Variants in GLDN observed in about 807,000 individuals in gnomAD.
GLDN encodes the protein gliomedin.
A neutral mutation model predicts 56.5 loss-of-function variants in GLDN; 47 were observed. That is an observed-to-expected ratio of 0.83 (90% confidence interval 0.66 to 1.06). The LOEUF (loss-of-function observed/expected upper bound fraction) is 1.06. GLDN is among the 50% of genes least tolerant of loss of function. GLDN has a pLI of 0.00. For missense variants in GLDN, 782 were observed against 714.3 expected (o/e 1.09, Z -1.08); for synonymous variants, 332 against 278.8 (o/e 1.19, Z -1.90).
chr15:51,400,579 TTG>T (rs2141132064), intron 8 of GLDN, 81 bp downstream of exon 8: 2 of 1,441,374 alleles, frequency 1.4e-6, no homozygotes, highest in East Asian at 2.3e-5. Flanking sequence ...CGTATTCCAT[TTG>T]TGTGTGTCTG....
intron 9 of GLDN, among the ~76,000 whole-genome samples, chr15:51,403,177 G>A (rs1189657079): frequency 6.6e-6 from 1 of 152,202 alleles, no homozygotes; most frequent in Non-Finnish European, 1.5e-5. Context: ...ACTGGGACCT[G>A]ACGGAGAAGC....
At chr15:51,362,026 G>C (rs1015002912) in intron 1 of GLDN, among the ~76,000 whole-genome samples, 5 of 152,182 alleles carry the variant, frequency 3.3e-5, no homozygotes, top group African/African-American at 1.2e-4. Context: ...CCTGACTGAG[G>C]AGGCAACATT....
intron 3 of GLDN, 25 bp from the exon 4 acceptor site, chr15:51,383,760 T>A (rs1566945748): frequency 6.7e-7 from 1 of 1,492,448 alleles, no homozygotes; most frequent in Admixed American, 2.2e-5. Flanking sequence ...TTGGTTAATG[T>A]CCCTGTTTCT....
chr15:51,365,701 A>G (rs2037387067), intron 1 of GLDN, among the ~76,000 whole-genome samples: 1 of 152,118 alleles, frequency 6.6e-6, no homozygotes, highest in African/African-American at 2.4e-5. Context: ...TGTTGTCTAC[A>G]TTTTGTTTAT....
intron 5 of GLDN, among the ~76,000 whole-genome samples, chr15:51,396,143 A>T (rs1478359474): frequency 6.6e-6 from 1 of 151,994 alleles, no homozygotes; most frequent in Non-Finnish European, 1.5e-5. Context: ...AACCACCTCC[A>T]CCTGGCAACC....
chr15:51,366,961 G>T (rs1021650647), intron 1 of GLDN, among the ~76,000 whole-genome samples: 1 of 152,116 alleles, frequency 6.6e-6, no homozygotes, highest in Non-Finnish European at 1.5e-5. Context: ...AATGTGTTTC[G>T]ATAACAGTAC....
intron 1 of GLDN, among the ~76,000 whole-genome samples, chr15:51,352,158 G>A (rs2141051839): frequency 6.6e-6 from 1 of 152,112 alleles, no homozygotes; most frequent in Non-Finnish European, 1.5e-5. Flanking sequence ...TGGGTGTCTG[G>A]TGAGGGTCTG....
At chr15:51,392,436 G>T (rs2141118092) in intron 4 of GLDN, among the ~76,000 whole-genome samples, 1 of 152,306 alleles carries the variant, frequency 6.6e-6, no homozygotes, top group South Asian at 2.1e-4. Context: ...CCCCAGATGG[G>T]ACTGTCTAGT....
Position 51,371,011 on chromosome 15 carries a change from A to T in GLDN, c.364-6438A>T, listed in dbSNP as rs920494232. 1.5e-4 allele frequency among the ~76,000 whole-genome samples: 23 copies of T among 149,880 alleles called. 1 individual carries two copies. The highest frequency in any genetic ancestry group is 5.7e-4 in the African/African-American group (23 of 40,350). Reference sequence around the variant, plus strand: ...CTCCATCTCAAAAAATAAAAAATTAAAAAAAAAAACCTATCCCCTTCTTAT... The same window carrying T: ...CTCCATCTCAAAAAATAAAAAATTATAAAAAAAAACCTATCCCCTTCTTAT... On this transcript the variant is annotated intron_variant, in intron 1 of 9. Transcript: ENST00000335449.
intron 9 of GLDN, among the ~76,000 whole-genome samples, chr15:51,402,002 C>T (rs576458316): frequency 1.3e-5 from 2 of 152,304 alleles, no homozygotes; most frequent in East Asian, 3.9e-4. Context: ...GAGAAGTAGA[C>T]CTGGAGTGGT....
At chr15:51,386,585 A>G (rs1566946943) in intron 4 of GLDN, among the ~76,000 whole-genome samples, 1 of 152,238 alleles carries the variant, frequency 6.6e-6, no homozygotes, top group Non-Finnish European at 1.5e-5. Flanking sequence ...TGATGGGATC[A>G]GATCTGCTTC....
At chr15:51,400,717 G>A (rs1217234953) in intron 8 of GLDN, among the ~76,000 whole-genome samples, 1 of 152,238 alleles carries the variant, frequency 6.6e-6, no homozygotes, top group Non-Finnish European at 1.5e-5. Context: ...GGGGCATGAG[G>A]AGGGTAACCC....
chr15:51,376,417 G>A (rs185790162), intron 1 of GLDN, among the ~76,000 whole-genome samples: 4 of 152,326 alleles, frequency 2.6e-5, no homozygotes, highest in African/African-American at 7.2e-5. Flanking sequence ...CTACAGAACT[G>A]GGGTAGCTCT....
intron 1 of GLDN, among the ~76,000 whole-genome samples, chr15:51,357,254 T>G (rs1362899557): frequency 6.6e-6 from 1 of 152,230 alleles, no homozygotes. Flanking sequence ...ATTTCTCTAA[T>G]TGAGCCGTAA....
At chr15:51,353,351 T>C (rs1363089422) in intron 1 of GLDN, among the ~76,000 whole-genome samples, 1 of 152,200 alleles carries the variant, frequency 6.6e-6, no homozygotes, top group Non-Finnish European at 1.5e-5. Flanking sequence ...TCTATGTGTA[T>C]GAAACTCTTC....
At chr15:51,401,997 G>A (rs187601605) in intron 9 of GLDN, among the ~76,000 whole-genome samples, 1 of 152,344 alleles carries the variant, frequency 6.6e-6, no homozygotes, top group African/African-American at 2.4e-5. Context: ...CCAGGGAGAA[G>A]TAGACCTGGA....
At chr15:51,384,039 C>T (rs935631584) in intron 4 of GLDN, 147 bp downstream of exon 4, 61 of 713,792 alleles carry the variant, frequency 8.5e-5, no homozygotes, top group South Asian at 1.5e-4. Flanking sequence ...GAAGCCATTG[C>T]GTTCCGGGAT....
intron 4 of GLDN, among the ~76,000 whole-genome samples, chr15:51,392,391 CTAA>C (rs2038042179): frequency 6.6e-6 from 1 of 152,182 alleles, no homozygotes; most frequent in African/African-American, 2.4e-5. Flanking sequence ...TATTGAGAAT[CTAA>C]TGCCTGATGA....
chr15:51,411,788 T>C (rs1415902719), downstream of GLDN, among the ~76,000 whole-genome samples: 3 of 152,244 alleles, frequency 2.0e-5, no homozygotes, highest in African/African-American at 2.4e-5. Context: ...AAAACTATTT[T>C]TAGTTTGCAG....
Sources: allele counts gnomAD v4.1 joint callset (sites outside exome capture counted in the v4.1 genomes callset), GRCh38; gene constraint gnomAD v4.1.1; transcripts MANE v1.5; gene names NCBI Gene and HGNC (gene_info 2026-07-23, HGNC 2026-07-21).